SLCO1C1: variants seen among roughly 807,000 people sequenced by gnomAD.
SLCO1C1 encodes solute carrier organic anion transporter family member 1C1, also known as OAT-RP-5.
Under a neutral mutation model 76.4 loss-of-function variants are expected in SLCO1C1, and 70 were observed. The ratio of observed to expected loss-of-function variants is 0.92; its 90% CI spans 0.76 to 1.12. The LOEUF (loss-of-function observed/expected upper bound fraction) is 1.12, where lower values mean the gene tolerates loss of function less well. Among genes scored for constraint, SLCO1C1 ranks in the 50% most tolerant of loss-of-function variants. The probability of loss-of-function intolerance (pLI) is 0.00; values close to 1 mark genes in which losing one functional copy is unlikely to be tolerated. For missense variants in SLCO1C1, 912 were observed against 823.8 expected (o/e 1.11, Z -1.31); for synonymous variants, 306 against 286.1 (o/e 1.07, Z -0.70).
At chr12:20,723,369 A>T in intron 9 of SLCO1C1, 115 bp downstream of exon 9, 2 of 1,256,356 alleles carry the variant, frequency 1.6e-6, no homozygotes, top group Middle Eastern at 2.0e-4. Context: ...GACATTTTAG[A>T]TGAGCTCAAA....
rs762561619 is a variant in SLCO1C1, at chr12:20,717,133, G to T, written c.678G>T (p.Gly226=). Residue 226 remains glycine, a splice_region_variant and synonymous_variant, in exon 7 of 15, where the codon GGG becomes GGT. Transcript: ENST00000266509. ...TTTCCTTTTCTTTTCTTGGTGCAGG[G>T]TGTGTGCAGACGGTTGCAATTATAG... The part of the protein sequence containing the change: ...ASEDNAAFYI[G]CVQTVAIIGP... The T allele has an allele frequency of 1.2e-6, 2 of 1,600,310 alleles. No individual in the cohort carries two copies. Among genetic ancestry groups the T allele is most frequent in the South Asian group, 2.3e-5 (2 of 87,822 alleles).
intron 2 of SLCO1C1, 55 bp downstream of exon 2, chr12:20,699,760 T>A: frequency 6.6e-7 from 1 of 1,522,984 alleles, no homozygotes; most frequent in South Asian, 1.3e-5. Context: ...TGTCCAGATA[T>A]CATCTATATA....
intron 8 of SLCO1C1, 56 bp from the exon 9 acceptor site, chr12:20,723,031 ACTT>A (rs1417076613): frequency 2.6e-5 from 38 of 1,471,740 alleles, no homozygotes; most frequent in African/African-American, 2.8e-5. Flanking sequence ...CAGCACGGCT[ACTT>A]CTTCTTCCAT....
Position 20,699,551 on chromosome 12 carries a change from G to C in SLCO1C1, c.-25-1G>C, listed in dbSNP as rs1174054851. 1.3e-6 allele frequency: 2 copies of C among 1,584,860 alleles called. No homozygotes were observed. Among genetic ancestry groups the C allele is most frequent in the Non-Finnish European group, 1.7e-6 (2 of 1,170,044 alleles). Reference sequence around the variant, plus strand: ...TTTACTTTAAAAACTAACTTTGACAGATCAGAGTCAAGGAATGTGTTTATA... The same window carrying C: ...TTTACTTTAAAAACTAACTTTGACACATCAGAGTCAAGGAATGTGTTTATA... On this transcript the variant is annotated splice_acceptor_variant, in intron 1 of 14. Transcript: ENST00000266509. LOFTEE classifies it low-confidence loss of function (5UTR_SPLICE).
chr12:20,707,094 T>A (rs1946816724), intron 4 of SLCO1C1, among the ~76,000 whole-genome samples: 2 of 152,050 alleles, frequency 1.3e-5, no homozygotes, highest in South Asian at 4.1e-4. Flanking sequence ...GGCTCAGAAT[T>A]CTCTGAGTGG....
At chr12:20,701,764 A>C (rs537913183) in intron 3 of SLCO1C1, among the ~76,000 whole-genome samples, 1 of 151,914 alleles carries the variant, frequency 6.6e-6, no homozygotes, top group African/African-American at 2.4e-5. Flanking sequence ...ATTTTGAGTT[A>C]TAAATATGTA....
chr12:20,750,615 C>T (rs1197599797), intron 13 of SLCO1C1, 60 bp from the exon 14 acceptor site: 5 of 1,473,566 alleles, frequency 3.4e-6, no homozygotes, highest in South Asian at 2.3e-5. Context: ...TTCAGATAAT[C>T]GTTCATAGAC....
chr12:20,709,536 T>C (rs1946955995), intron 4 of SLCO1C1, among the ~76,000 whole-genome samples: 1 of 152,194 alleles, frequency 6.6e-6, no homozygotes. Context: ...ATTAACAATA[T>C]AAAATTATAT....
chr12:20,713,269 C>T (rs1003420593), intron 5 of SLCO1C1, among the ~76,000 whole-genome samples: 132 of 151,736 alleles, frequency 8.7e-4, no homozygotes, highest in African/African-American at 2.9e-3. Context: ...TTAGTAGAGA[C>T]GGGGTTTCAC....
intron 12 of SLCO1C1, among the ~76,000 whole-genome samples, chr12:20,740,783 TTA>T (rs1184796363): frequency 3.7e-5 from 2 of 53,994 alleles, no homozygotes; most frequent in Non-Finnish European, 6.1e-5. Context: ...AGAATTTATT[TTA>T]TTTATATATA....
chr12:20,740,499 T>G (rs1565541262), intron 12 of SLCO1C1, 131 bp downstream of exon 12: 1 of 782,164 alleles, frequency 1.3e-6, no homozygotes. Flanking sequence ...CATCCTTGTT[T>G]CACTTTTATA....
chr12:20,737,962 A>G (rs751001063), intron 11 of SLCO1C1, among the ~76,000 whole-genome samples: 2 of 152,130 alleles, frequency 1.3e-5, no homozygotes, highest in Non-Finnish European at 2.9e-5. Flanking sequence ...GTCCAAGATC[A>G]AGGTGCCAGC....
chr12:20,739,783 G>T (rs1348482538), intron 11 of SLCO1C1, among the ~76,000 whole-genome samples: 2 of 152,142 alleles, frequency 1.3e-5, no homozygotes, highest in Non-Finnish European at 2.9e-5. Context: ...ATGTTTAAAG[G>T]TTCACTTTAC....
In SLCO1C1 at chr12:20,697,919, C is replaced by T. The variant is rs577875834; in HGVS notation, c.-25-1633C>T. Among the ~76,000 whole-genome samples, 8 of 152,122 alleles carry T rather than the reference C, an allele frequency of 5.3e-5. No individual in the cohort carries two copies. In the East Asian group the frequency reaches 5.8e-4, roughly 11 times the overall value. ...GACAATGATTATCTGTTTCCATTAT[C>T]GGCTATCTTTCCTCAAAGAATATCC... is the stretch of plus-strand genomic sequence containing the variant. On this transcript the variant is annotated intron_variant, in intron 1 of 14. Transcript: ENST00000266509.
intron 13 of SLCO1C1, among the ~76,000 whole-genome samples, chr12:20,744,329 G>A (rs1183987667): frequency 2.6e-5 from 4 of 152,052 alleles, no homozygotes; most frequent in Admixed American, 6.6e-5. Flanking sequence ...ATAAACAAAT[G>A]ATTTACAAAA....
At chr12:20,735,986 T>TA (rs1225213075) in intron 10 of SLCO1C1, among the ~76,000 whole-genome samples, 11 of 151,826 alleles carry the variant, frequency 7.2e-5, no homozygotes, top group Non-Finnish European at 7.4e-5. Flanking sequence ...GCTATCTTTA[T>TA]AAAAAATGGG....
At position 20,701,353 on chromosome 12, in the gene SLCO1C1, C is replaced by CT; in HGVS notation, c.165_166insT (p.Lys56Ter). 1 of 1,537,210 alleles carries CT rather than the reference C, an allele frequency of 6.5e-7. No homozygotes were observed. The highest frequency in any genetic ancestry group is 8.9e-7 in the Non-Finnish European group (1 of 1,126,504). ...GTGCCTTGTCTTTTGTTTACTTTGC[C>CT]AAAGCATTGGCAGAAGGCTATCTGA... is the stretch of plus-strand genomic sequence containing the variant. On this transcript the variant is annotated frameshift_variant, in exon 3 of 15. Transcript: ENST00000266509. LOFTEE classifies it high-confidence loss of function.
chr12:20,699,652 A>G lies in SLCO1C1; in HGVS notation c.76A>G (p.Lys26Glu), dbSNP rs1592213669. 6.2e-7 allele frequency: 1 copy of G among 1,612,590 alleles called. No individual in the cohort carries two copies. The highest frequency in any genetic ancestry group is 8.5e-7 in the Non-Finnish European group (1 of 1,179,176). ...SVQPVGRPSFKTEYPSSEEKQ... is the reference protein window; with the variant it reads ...SVQPVGRPSFETEYPSSEEKQ... ...GCAACCTGTTGGAAGGCCTTCTTTTAAAACAGAATATCCCTCCTCAGAAGA... is the reference window on the plus strand; with the variant it reads ...GCAACCTGTTGGAAGGCCTTCTTTTGAAACAGAATATCCCTCCTCAGAAGA... The change falls in exon 2 of 15, where the codon AAA (lysine) becomes GAA (glutamate). Residue 26 changes from lysine to glutamate, a missense_variant. By Grantham distance (56) the Lys-to-Glu change is moderately conservative. Transcript: ENST00000266509.
Position 20,743,456 on chromosome 12 carries a change from C to A in SLCO1C1, c.1798+87C>A, listed in dbSNP as rs933456184. 7 of 1,072,524 alleles carry A rather than the reference C, an allele frequency of 6.5e-6. No individual in the cohort carries two copies. The African/African-American group carries it at 7.9e-5, about 12-fold the overall frequency. 66.4% of individuals were successfully genotyped at this position (1,072,524 alleles called of 1,614,324 possible). The stretch of plus-strand genomic sequence containing the variant: ...TAAATATTTTTACAGAATTGCCATG[C>A]ATAAATATATGTTGTAGGTGGCAAA... On this transcript the variant is annotated intron_variant, in intron 13 of 14. Coordinates refer to ENST00000266509, the MANE Select transcript of SLCO1C1 (RefSeq NM_017435.5).
Sources: gnomAD v4.1 joint callset for allele counts (sites outside exome capture counted in the v4.1 genomes callset) on GRCh38, gnomAD v4.1.1 for gene constraint, MANE v1.5 for transcripts, NCBI Gene and HGNC (gene_info 2026-07-23, HGNC 2026-07-21) for gene names.